TFCP2: variants seen among roughly 807,000 people sequenced by gnomAD.
TFCP2 encodes transcription factor CP2.
In TFCP2, 33 loss-of-function variants were observed where a neutral mutation model predicts 73.4. The ratio of observed to expected loss-of-function variants is 0.45; its 90% CI spans 0.34 to 0.60. The LOEUF (loss-of-function observed/expected upper bound fraction) is 0.60. TFCP2 is among the 20% of genes least tolerant of loss of function. The pLI, the probability that TFCP2 is intolerant of heterozygous loss-of-function variation, is 0.01. For synonymous variants in TFCP2, 193 were observed against 211.6 expected (o/e 0.91, Z 0.76); for missense variants, 352 against 604.0 (o/e 0.58, Z 4.37).
intron 5 of TFCP2, among the ~76,000 whole-genome samples, chr12:51,110,398 A>C (rs1173296245): frequency 6.6e-6 from 1 of 151,990 alleles, no homozygotes; most frequent in East Asian, 1.9e-4. Context: ...GCGAAATCCC[A>C]CCTCTACCAA....
intron 1 of TFCP2, among the ~76,000 whole-genome samples, chr12:51,170,963 C>A (rs992460841): frequency 3.9e-5 from 6 of 152,190 alleles, no homozygotes; most frequent in African/African-American, 1.4e-4. Context: ...CAGGCATGAG[C>A]CACCGTGCCC....
chr12:51,106,519 A>C lies in TFCP2; in HGVS notation c.917+6T>G. 1 of 1,608,882 alleles carries C rather than the reference A, an allele frequency of 6.2e-7. No homozygotes were observed. Among genetic ancestry groups the C allele is most frequent in the Non-Finnish European group, 8.5e-7 (1 of 1,177,172 alleles). On this transcript the variant is annotated splice_donor_region_variant and intron_variant, in intron 8 of 14. Coordinates refer to ENST00000257915, the MANE Select transcript of TFCP2 (RefSeq NM_005653.5). Reference sequence around the variant, plus strand: ...AATATAAGCCAATTTTATTTCCCAGACTTACCCTTCCCCAAGAGAAAAACT... The same window carrying C: ...AATATAAGCCAATTTTATTTCCCAGCCTTACCCTTCCCCAAGAGAAAAACT...
chr12:51,158,768 C>T (rs1017806966), intron 1 of TFCP2, among the ~76,000 whole-genome samples: 1 of 151,000 alleles, frequency 6.6e-6, no homozygotes, highest in African/African-American at 2.4e-5. Flanking sequence ...AGATTACAGG[C>T]GTGACCCACC....
chr12:51,131,983 A>T (rs1199623554), intron 1 of TFCP2, among the ~76,000 whole-genome samples: 1 of 152,192 alleles, frequency 6.6e-6, no homozygotes. Context: ...ACCAATTTAC[A>T]ACTAAGTTAT....
chr12:51,103,260 G>A (rs1049112794), intron 10 of TFCP2, among the ~76,000 whole-genome samples: 1 of 152,006 alleles, frequency 6.6e-6, no homozygotes, highest in Non-Finnish European at 1.5e-5. Flanking sequence ...TCCAGCCTGG[G>A]TGACAGAGTG....
intron 4 of TFCP2, among the ~76,000 whole-genome samples, chr12:51,114,000 CAT>C (rs1464500517): frequency 6.6e-6 from 1 of 151,898 alleles, no homozygotes; most frequent in South Asian, 2.1e-4. Flanking sequence ...TAGGAGAAAA[CAT>C]ATGGGAAAAG....
chr12:51,109,007 G>T lies in TFCP2; in HGVS notation c.717+114C>A, dbSNP rs1008189690. ...TCAATGACTCTAGCTTAGACTTTTT[G>T]CGTGTGTGTGAGTTTTCAAAAAAAG... On this transcript the variant is annotated intron_variant, in intron 6 of 14. Coordinates refer to ENST00000257915, the MANE Select transcript of TFCP2 (RefSeq NM_005653.5). The T allele has an allele frequency of 4.6e-5, 53 of 1,142,664 alleles. No homozygotes were observed. The Middle Eastern group carries it at 8.7e-4, about 19-fold the overall frequency. The allele number at this position is 1,142,664 out of a possible 1,614,324, so 70.8% of individuals were successfully genotyped here.
At chr12:51,135,329 A>G in intron 1 of TFCP2, among the ~76,000 whole-genome samples, 1 of 152,016 alleles carries the variant, frequency 6.6e-6, no homozygotes, top group Non-Finnish European at 1.5e-5. Flanking sequence ...CGGGAGGCTG[A>G]AGCAGGAGAA....
intron 1 of TFCP2, among the ~76,000 whole-genome samples, chr12:51,169,411 G>T (rs1052122421): frequency 1.3e-5 from 2 of 151,870 alleles, no homozygotes; most frequent in African/African-American, 4.8e-5. Context: ...TGAGGCAGGA[G>T]AATCGCTTGA....
At chr12:51,149,910 TATAAGGTATTTTAGAC>T (rs1449736804) in intron 1 of TFCP2, among the ~76,000 whole-genome samples, 1 of 152,080 alleles carries the variant, frequency 6.6e-6, no homozygotes, top group Admixed American at 6.6e-5. Context: ...TTTAATTTGT[TATAAGGTATTTTAGAC>T]ATAAAAAAGA....
At chr12:51,134,146 T>A (rs985791481) in intron 1 of TFCP2, among the ~76,000 whole-genome samples, 1 of 152,198 alleles carries the variant, frequency 6.6e-6, no homozygotes, top group Non-Finnish European at 1.5e-5. Context: ...TTTAGTTTTG[T>A]GGTTTTCAAC....
intron 1 of TFCP2, among the ~76,000 whole-genome samples, chr12:51,149,290 A>T: frequency 6.6e-6 from 1 of 152,054 alleles, no homozygotes; most frequent in East Asian, 1.9e-4. Context: ...GGAAGAGGTG[A>T]GGGGTAAAAG....
At chr12:51,160,221 C>T (rs1941620664) in intron 1 of TFCP2, among the ~76,000 whole-genome samples, 1 of 151,402 alleles carries the variant, frequency 6.6e-6, no homozygotes, top group Non-Finnish European at 1.5e-5. Flanking sequence ...CTGCAACCTC[C>T]GCCTCCAGGG....
intron 10 of TFCP2, 94 bp from the exon 11 acceptor site, chr12:51,102,119 C>T: frequency 1.2e-6 from 1 of 837,532 alleles, no homozygotes; most frequent in Non-Finnish European, 1.9e-6. Flanking sequence ...ACCTCATTAC[C>T]AGAATGTTAC....
Position 51,132,008 on chromosome 12 carries a change from TA to T in TFCP2, c.123-13237del, listed in dbSNP as rs372860577. Among the ~76,000 whole-genome samples the T allele has an allele frequency of 7.2e-5, 11 of 152,328 alleles. No homozygotes were observed. The East Asian group carries it at 2.1e-3, about 29-fold the overall frequency. On this transcript the variant is annotated intron_variant, in intron 1 of 14. Transcript: ENST00000257915. ...AACTAAGTTATTTTTCATTTATGCC[TA>T]ACTTTCAGCTAAACACTTGCTAGAC... is the stretch of plus-strand genomic sequence containing the variant.
intron 1 of TFCP2, among the ~76,000 whole-genome samples, chr12:51,140,453 T>C (rs1592821726): frequency 7.2e-6 from 1 of 139,298 alleles, no homozygotes; most frequent in South Asian, 2.4e-4. Context: ...TTCTTTTTTT[T>C]TTTTTTTTTT....
chr12:51,104,188 G>A lies in TFCP2; in HGVS notation c.933C>T (p.Asn311=), dbSNP rs1252696746. ...CTGGAGGGGGTGGCTCTGGCTGGTGGTTTGGTGAACCATTTCTAAAGAAAC... is the reference window on the plus strand; with the variant it reads ...CTGGAGGGGGTGGCTCTGGCTGGTGATTTGGTGAACCATTTCTAAAGAAAC... ...FSLGEGNGSP[N]HQPEPPPPVT... Residue 311 remains asparagine (N), a synonymous_variant, in exon 9 of 15, where the codon AAC becomes AAT. Coordinates refer to ENST00000257915, the MANE Select transcript of TFCP2 (RefSeq NM_005653.5). 6.2e-7 allele frequency: 1 copy of A among 1,614,016 alleles called. No homozygotes were observed. Among genetic ancestry groups the A allele is most frequent in the South Asian group, 1.1e-5 (1 of 91,072 alleles).
At chr12:51,128,595 A>C (rs1357046422) in intron 1 of TFCP2, among the ~76,000 whole-genome samples, 4 of 152,186 alleles carry the variant, frequency 2.6e-5, no homozygotes, top group African/African-American at 9.7e-5. Flanking sequence ...GCATAAATAT[A>C]GTATCTGGAT....
At chr12:51,096,121 C>A (rs1473961775) in intron 13 of TFCP2, 81 bp from the exon 14 acceptor site, 2 of 1,089,804 alleles carry the variant, frequency 1.8e-6, no homozygotes, top group African/African-American at 1.6e-5. Flanking sequence ...GACTACCCCA[C>A]ATCCAGAGGG....
Sources: allele counts gnomAD v4.1 joint callset (sites outside exome capture counted in the v4.1 genomes callset), GRCh38; gene constraint gnomAD v4.1.1; transcripts MANE v1.5; gene names NCBI Gene and HGNC (gene_info 2026-07-23, HGNC 2026-07-21).